Variants in STK4 observed in about 807,000 individuals in gnomAD.
The protein encoded by STK4 is serine/threonine-protein kinase 4.
A neutral mutation model predicts 64.9 loss-of-function variants in STK4; 30 were observed. The observed-to-expected ratio is 0.46, with a 90% CI of 0.35 to 0.63. The LOEUF (loss-of-function observed/expected upper bound fraction) is 0.63, where lower values mean the gene tolerates loss of function less well. Among genes scored for constraint, STK4 ranks in the 20% least tolerant of loss-of-function variants. The probability of loss-of-function intolerance (pLI) is 0.01; values close to 1 mark genes in which losing one functional copy is unlikely to be tolerated. For missense variants in STK4, 466 were observed against 598.5 expected (o/e 0.78, Z 2.31); for synonymous variants, 177 against 199.0 (o/e 0.89, Z 0.93).
intron 3 of STK4, among the ~76,000 whole-genome samples, chr20:44,980,357 A>C (rs1235873251): frequency 6.6e-6 from 1 of 152,236 alleles, no homozygotes; most frequent in Admixed American, 6.5e-5. Flanking sequence ...TGAGTTAATG[A>C]AGCCAATTTG....
chr20:45,056,204 T>C (rs1272636027), intron 10 of STK4, among the ~76,000 whole-genome samples: 1 of 152,220 alleles, frequency 6.6e-6, no homozygotes, highest in Non-Finnish European at 1.5e-5. Flanking sequence ...TGGATGAGTT[T>C]TAATAGAAAT....
At chr20:44,984,649 A>G (rs532388285) in intron 4 of STK4, among the ~76,000 whole-genome samples, 1 of 152,236 alleles carries the variant, frequency 6.6e-6, no homozygotes, top group Non-Finnish European at 1.5e-5. Context: ...TATAAATTAT[A>G]CACCAGAGTT....
At chr20:45,019,991 C>G (rs1340989736) in intron 9 of STK4, among the ~76,000 whole-genome samples, 1 of 152,152 alleles carries the variant, frequency 6.6e-6, no homozygotes, top group Non-Finnish European at 1.5e-5. Context: ...TCTTTCTGCA[C>G]TTAGTTTAAT....
intron 1 of STK4, chr20:44,967,119 G>T (rs1210141450): frequency 2.0e-6 from 2 of 984,182 alleles, no homozygotes; most frequent in African/African-American, 3.5e-5. Context: ...AAGGTTGAGG[G>T]TCTAGCAAGG....
intron 10 of STK4, among the ~76,000 whole-genome samples, chr20:45,055,097 G>A (rs1978355641): frequency 6.6e-6 from 1 of 152,146 alleles, no homozygotes; most frequent in Non-Finnish European, 1.5e-5. Flanking sequence ...TACATGGGGA[G>A]GTTTCAGGAG....
At chr20:45,062,662 TTTTTG>T (rs1434849654) in intron 10 of STK4, among the ~76,000 whole-genome samples, 1 of 152,114 alleles carries the variant, frequency 6.6e-6, no homozygotes, top group Non-Finnish European at 1.5e-5. Flanking sequence ...GTGGGGTTTT[TTTTTG>T]TTTTGTTTTG....
chr20:44,986,105 CAA>C (rs1315234776), intron 4 of STK4, among the ~76,000 whole-genome samples: 1 of 152,044 alleles, frequency 6.6e-6, no homozygotes, highest in African/African-American at 2.4e-5. Flanking sequence ...ATTAGGGAAA[CAA>C]AAGTAAACAA....
At chr20:45,060,859 G>T (rs776106728) in intron 10 of STK4, among the ~76,000 whole-genome samples, 1 of 152,150 alleles carries the variant, frequency 6.6e-6, no homozygotes, top group Non-Finnish European at 1.5e-5. Context: ...CACAACTAGC[G>T]TGAAGGGAGC....
At chr20:45,048,486 T>A (rs1214970392) in intron 10 of STK4, among the ~76,000 whole-genome samples, 1 of 152,022 alleles carries the variant, frequency 6.6e-6, no homozygotes, top group African/African-American at 2.4e-5. Context: ...CAGGCCCTGC[T>A]AGTTCACACA....
intron 10 of STK4, among the ~76,000 whole-genome samples, chr20:45,041,060 T>C (rs1403629895): frequency 2.0e-5 from 3 of 152,244 alleles, no homozygotes; most frequent in African/African-American, 7.2e-5. Context: ...AATTATTATA[T>C]GTTAAAGCTA....
At chr20:45,023,079 T>A (rs1031042586) in intron 9 of STK4, among the ~76,000 whole-genome samples, 6 of 152,204 alleles carry the variant, frequency 3.9e-5, no homozygotes, top group African/African-American at 1.4e-4. Flanking sequence ...TTTTTCCTTT[T>A]TATTTCTTGG....
intron 10 of STK4, among the ~76,000 whole-genome samples, chr20:45,067,259 C>A (rs1979656132): frequency 6.6e-6 from 1 of 152,120 alleles, no homozygotes; most frequent in African/African-American, 2.4e-5. Flanking sequence ...TTTCCTCATT[C>A]TTGGTCACAA....
At chr20:44,992,696 T>C (rs556403923) in intron 5 of STK4, among the ~76,000 whole-genome samples, 1 of 150,424 alleles carries the variant, frequency 6.6e-6, no homozygotes, top group South Asian at 2.1e-4. Flanking sequence ...TTTTTGTTTG[T>C]TTTTTGTTTT....
Position 45,048,052 on chromosome 20 carries a change from G to C in STK4, c.1305+22922G>C, listed in dbSNP as rs140042286. Among the ~76,000 whole-genome samples, 309 of 152,294 alleles carry C rather than the reference G, an allele frequency of 2.0e-3. 2 individuals carry two copies. Among genetic ancestry groups the C allele is most frequent in the Middle Eastern group, 6.8e-3 (2 of 294 alleles). On this transcript the variant is annotated intron_variant, in intron 10 of 10. Coordinates refer to ENST00000372806, the MANE Select transcript of STK4 (RefSeq NM_006282.5). ...AAGAGCTTGTGTAAAGTGTGTAAAA[G>C]ATGCTCAGTATATATAAGGTTCTTT...
chr20:45,060,269 G>A (rs1168274061), intron 10 of STK4, among the ~76,000 whole-genome samples: 1 of 152,148 alleles, frequency 6.6e-6, no homozygotes, highest in East Asian at 1.9e-4. Context: ...GTTGTTGTTA[G>A]TATTTCTGAC....
At chr20:45,015,953 AT>A (rs2068134089) in intron 9 of STK4, among the ~76,000 whole-genome samples, 1 of 152,106 alleles carries the variant, frequency 6.6e-6, no homozygotes, top group Non-Finnish European at 1.5e-5. Context: ...CTTCTTCCTA[AT>A]TCCTTTTCTC....
intron 10 of STK4, among the ~76,000 whole-genome samples, chr20:45,035,886 T>C (rs1299342454): frequency 6.6e-6 from 1 of 152,208 alleles, no homozygotes; most frequent in Non-Finnish European, 1.5e-5. Flanking sequence ...ATAGCTTACA[T>C]TTATTGAAAA....
Position 44,973,815 on chromosome 20 carries a change from G to C in STK4, c.116+1657G>C, listed in dbSNP as rs998126353. 3.9e-5 allele frequency among the ~76,000 whole-genome samples: 6 copies of C among 152,114 alleles called. No individual in the cohort carries two copies. The South Asian group carries it at 1.0e-3, about 26-fold the overall frequency. On this transcript the variant is annotated intron_variant, in intron 2 of 10. Transcript: ENST00000372806. ...TTGTGTTATTACCTGAGGTAATTGGGGTAAAGTATAGTGCTTATCACAATA... is the reference window on the plus strand; with the variant it reads ...TTGTGTTATTACCTGAGGTAATTGGCGTAAAGTATAGTGCTTATCACAATA...
At chr20:45,031,355 T>G (rs1435655975) in intron 10 of STK4, among the ~76,000 whole-genome samples, 2 of 152,154 alleles carry the variant, frequency 1.3e-5, no homozygotes, top group Admixed American at 1.3e-4. Context: ...GAGTCCATTG[T>G]GGCTGGAGCC....
Sources: allele counts gnomAD v4.1 joint callset (sites outside exome capture counted in the v4.1 genomes callset), GRCh38; gene constraint gnomAD v4.1.1; transcripts MANE v1.5; gene names NCBI Gene and HGNC (gene_info 2026-07-23, HGNC 2026-07-21).